AKAP13: variants seen among roughly 807,000 people sequenced by gnomAD.
The protein encoded by AKAP13 is A-kinase anchor protein 13.
In AKAP13, 80 loss-of-function variants were observed where a neutral mutation model predicts 264.5. That is an observed-to-expected ratio of 0.30 (90% CI 0.25 to 0.36). The LOEUF (loss-of-function observed/expected upper bound fraction) is 0.36. Among genes scored for constraint, AKAP13 ranks in the 10% least tolerant of loss-of-function variants. The probability of loss-of-function intolerance (pLI) is 1.00; values close to 1 mark genes in which losing one functional copy is unlikely to be tolerated. For missense variants in AKAP13, 3,712 were observed against 3,435.2 expected, an observed-to-expected ratio of 1.08 and a Z score of -2.01; for synonymous variants, 1,380 against 1,250.2, an observed-to-expected ratio of 1.10 and a Z score of -2.19.
At chr15:85,607,998 G>C (rs1408259773) in intron 8 of AKAP13, among the ~76,000 whole-genome samples, 1 of 152,114 alleles carries the variant, frequency 6.6e-6, no homozygotes, top group Non-Finnish European at 1.5e-5. Context: ...TTGATAAAAA[G>C]AGCAAGTTGT....
intron 4 of AKAP13, among the ~76,000 whole-genome samples, chr15:85,537,364 TC>T (rs1198871615): frequency 1.3e-5 from 2 of 152,246 alleles, no homozygotes; most frequent in Non-Finnish European, 2.9e-5. Context: ...TAACAGGACT[TC>T]TTGCTGTTGA....
At chr15:85,713,161 G>C (rs139300300) in intron 19 of AKAP13, among the ~76,000 whole-genome samples, 4 of 152,044 alleles carry the variant, frequency 2.6e-5, no homozygotes, top group Non-Finnish European at 5.9e-5. Context: ...CACTTACTTG[G>C]GTAGAATATG....
intron 1 of AKAP13, among the ~76,000 whole-genome samples, chr15:85,415,008 T>C (rs1405353552): frequency 6.6e-6 from 1 of 152,212 alleles, no homozygotes; most frequent in African/African-American, 2.4e-5. Flanking sequence ...TCAACTGTTT[T>C]GGTTGGGTTT....
At chr15:85,407,185 A>G (rs898717695) in intron 1 of AKAP13, among the ~76,000 whole-genome samples, 1 of 151,404 alleles carries the variant, frequency 6.6e-6, no homozygotes, top group South Asian at 2.1e-4. Flanking sequence ...ACAGGCTTCT[A>G]AGGAACACAG....
intron 2 of AKAP13, among the ~76,000 whole-genome samples, chr15:85,499,430 G>T (rs1185528367): frequency 6.6e-6 from 1 of 152,202 alleles, no homozygotes; most frequent in East Asian, 1.9e-4. Context: ...AGAGCAGTAG[G>T]TTTTGAAATG....
At chr15:85,603,825 G>A (rs2080197914) in intron 8 of AKAP13, among the ~76,000 whole-genome samples, 1 of 152,022 alleles carries the variant, frequency 6.6e-6, no homozygotes, top group African/African-American at 2.4e-5. Context: ...GCTCTCTCAG[G>A]CCTCCTGTTA....
chr15:85,586,623 A>G (rs1382009696), intron 8 of AKAP13, among the ~76,000 whole-genome samples: 1 of 152,128 alleles, frequency 6.6e-6, no homozygotes, highest in Admixed American at 6.5e-5. Flanking sequence ...CGTTTTCAGC[A>G]ATGAAAAAAC....
chr15:85,457,489 T>G (rs2074323618), intron 1 of AKAP13, among the ~76,000 whole-genome samples: 1 of 152,214 alleles, frequency 6.6e-6, no homozygotes. Flanking sequence ...GTGTACAGAA[T>G]TGGAGCCATA....
chr15:85,704,877 T>TG (rs2086142880), intron 17 of AKAP13, among the ~76,000 whole-genome samples: 1 of 152,226 alleles, frequency 6.6e-6, no homozygotes, highest in Non-Finnish European at 1.5e-5. Flanking sequence ...CTGATGTCAG[T>TG]GGGGCTGAAG....
chr15:85,661,932 A>G (rs972509910), intron 12 of AKAP13, among the ~76,000 whole-genome samples: 1 of 149,904 alleles, frequency 6.7e-6, no homozygotes, highest in African/African-American at 2.4e-5. Context: ...GGATGACTCC[A>G]TGAGCCCACC....
At chr15:85,590,021 A>T (rs777325625) in intron 8 of AKAP13, among the ~76,000 whole-genome samples, 1 of 152,082 alleles carries the variant, frequency 6.6e-6, no homozygotes, top group Non-Finnish European at 1.5e-5. Flanking sequence ...TTTCATGCTG[A>T]AAAGGGTTAG....
chr15:85,401,839 A>G (rs556856890), intron 1 of AKAP13, among the ~76,000 whole-genome samples: 17 of 152,314 alleles, frequency 1.1e-4, no homozygotes, highest in African/African-American at 4.1e-4. Flanking sequence ...AATAATGGGG[A>G]ACAAAATAAT....
chr15:85,653,628 C>G (rs982998607), intron 10 of AKAP13, among the ~76,000 whole-genome samples: 2 of 152,080 alleles, frequency 1.3e-5, no homozygotes, highest in Admixed American at 1.3e-4. Flanking sequence ...GTTTTCTATT[C>G]CAAAGCTGAA....
intron 1 of AKAP13, among the ~76,000 whole-genome samples, chr15:85,419,579 G>A (rs915123683): frequency 1.3e-5 from 2 of 152,172 alleles, no homozygotes; most frequent in Admixed American, 1.3e-4. Flanking sequence ...TAGTTTTTGG[G>A]TTGAGGAGGG....
intron 29 of AKAP13, among the ~76,000 whole-genome samples, chr15:85,728,115 C>G (rs2087729450): frequency 1.3e-5 from 2 of 152,142 alleles, no homozygotes; most frequent in Non-Finnish European, 2.9e-5. Flanking sequence ...TATTCCCTGT[C>G]TTAGCAAAGC....
Position 85,431,186 on chromosome 15 carries a change from AG to A in AKAP13, c.-12+50391del, listed in dbSNP as rs1397531882. 1.5e-4 allele frequency among the ~76,000 whole-genome samples: 23 copies of A among 152,318 alleles called. 1 individual carries two copies. In the East Asian group the frequency reaches 4.2e-3, roughly 28 times the overall value. On this transcript the variant is annotated intron_variant, in intron 1 of 36. Coordinates refer to ENST00000394518, the MANE Select transcript of AKAP13 (RefSeq NM_007200.5). ...TGGTGTACAGGATCATGCTCACTCTAGGGCAAGCAACATTATAACATTGTTT... is the reference window on the plus strand; with the variant it reads ...TGGTGTACAGGATCATGCTCACTCTAGGCAAGCAACATTATAACATTGTTT...
chr15:85,722,468 GT>G, intron 25 of AKAP13, 121 bp downstream of exon 25: 1 of 813,558 alleles, frequency 1.2e-6, no homozygotes, highest in Non-Finnish European at 1.9e-6. Context: ...GAGACCTTGT[GT>G]TTTATCTTGA....
At chr15:85,711,369 G>T (rs567613675) in intron 19 of AKAP13, among the ~76,000 whole-genome samples, 1 of 151,910 alleles carries the variant, frequency 6.6e-6, no homozygotes, top group East Asian at 1.9e-4. Context: ...CCCATTCCCT[G>T]TCTCATTCCT....
chr15:85,508,420 G>C (rs1242617455), intron 2 of AKAP13, among the ~76,000 whole-genome samples: 1 of 152,094 alleles, frequency 6.6e-6, no homozygotes, highest in African/African-American at 2.4e-5. Context: ...TGGGATTACA[G>C]ACGTGCGCTA....
Sources: gnomAD v4.1 joint callset for allele counts (sites outside exome capture counted in the v4.1 genomes callset) on GRCh38, gnomAD v4.1.1 for gene constraint, MANE v1.5 for transcripts, NCBI Gene and HGNC (gene_info 2026-07-23, HGNC 2026-07-21) for gene names.